CSMD3: variants seen among roughly 807,000 people sequenced by gnomAD.
CSMD3 encodes CUB and sushi domain-containing protein 3.
Under a neutral mutation model 435.2 loss-of-function variants are expected in CSMD3, and 177 were observed. The observed-to-expected ratio is 0.41, with a 90% confidence interval of 0.36 to 0.46. The LOEUF (loss-of-function observed/expected upper bound fraction) is 0.46, where lower values mean the gene tolerates loss of function less well. Ranked by LOEUF, CSMD3 falls within the 20% of genes least tolerant of loss-of-function variation. The pLI, the probability that CSMD3 is intolerant of heterozygous loss-of-function variation, is 0.34. For missense variants in CSMD3, 4,265 were observed against 4,504.6 expected, an observed-to-expected ratio of 0.95 and a Z score of 1.52; for synonymous variants, 1,656 against 1,520.5, an observed-to-expected ratio of 1.09 and a Z score of -2.07.
At chr8:112,454,494 A>C (rs1816622726) in intron 32 of CSMD3, among the ~76,000 whole-genome samples, 1 of 152,222 alleles carries the variant, frequency 6.6e-6, no homozygotes, top group Non-Finnish European at 1.5e-5. Flanking sequence ...AAAAATGCTC[A>C]ACACCACTAG....
intron 3 of CSMD3, among the ~76,000 whole-genome samples, chr8:113,241,511 C>G (rs1185343361): frequency 6.6e-6 from 1 of 151,010 alleles, no homozygotes. Context: ...TTATATTGAA[C>G]ACTAGATCAT....
At chr8:112,981,937 TAAG>T (rs2085067459) in intron 6 of CSMD3, among the ~76,000 whole-genome samples, 1 of 151,786 alleles carries the variant, frequency 6.6e-6, no homozygotes, top group African/African-American at 2.4e-5. Context: ...AGTTTTACCC[TAAG>T]AAGGAGAATG....
rs114320614 is a variant in CSMD3, at chr8:112,796,835, T to C, written c.1972+3327A>G. ...TCAGAATGGCCACGACTTTGTTACA[T>C]CTACAAGGATGTTACTGATTTTTAA... On this transcript the variant is annotated intron_variant, in intron 13 of 70. Transcript: ENST00000297405. Among the ~76,000 whole-genome samples, 330 of 152,096 alleles carry C rather than the reference T, an allele frequency of 2.2e-3. 1 individual carries two copies. The highest frequency in any genetic ancestry group is 7.6e-3 in the African/African-American group (317 of 41,556).
chr8:113,142,500 T>C (rs1016570166), intron 4 of CSMD3, among the ~76,000 whole-genome samples: 1 of 151,034 alleles, frequency 6.6e-6, no homozygotes, highest in African/African-American at 2.4e-5. Flanking sequence ...AACAAAGCTA[T>C]AAAAGCAGTT....
At chr8:112,343,001 T>TTATATATATATATATATTTA (rs34740069) in intron 41 of CSMD3, among the ~76,000 whole-genome samples, 12 of 109,676 alleles carry the variant, frequency 1.1e-4, no homozygotes, top group Middle Eastern at 6.4e-3. Flanking sequence ...ATATATATAT[T>TTATATATATATATATATTTA]TATATATATA....
intron 7 of CSMD3, among the ~76,000 whole-genome samples, chr8:112,960,117 C>CT (rs981218929): frequency 5.3e-5 from 8 of 151,076 alleles, no homozygotes; most frequent in Admixed American, 2.6e-4. Flanking sequence ...ATAAAGATGA[C>CT]TTTTTTTTGT....
At chr8:112,989,892 G>A (rs1292657082) in intron 6 of CSMD3, among the ~76,000 whole-genome samples, 1 of 151,936 alleles carries the variant, frequency 6.6e-6, no homozygotes, top group Non-Finnish European at 1.5e-5. Context: ...ATATGTCAAG[G>A]GCAATGCCAG....
At chr8:113,203,831 T>C (rs1354219069) in intron 3 of CSMD3, among the ~76,000 whole-genome samples, 1 of 152,144 alleles carries the variant, frequency 6.6e-6, no homozygotes, top group Admixed American at 6.6e-5. Context: ...TTTTCTTATA[T>C]AGGTGAGAGT....
chr8:113,067,063 G>A (rs1004183552), intron 5 of CSMD3, among the ~76,000 whole-genome samples: 1 of 152,072 alleles, frequency 6.6e-6, no homozygotes, highest in Non-Finnish European at 1.5e-5. Flanking sequence ...GAAATGACAA[G>A]TGAAGAAAAA....
intron 2 of CSMD3, among the ~76,000 whole-genome samples, chr8:113,293,175 T>C (rs1458267683): frequency 6.6e-6 from 1 of 151,202 alleles, no homozygotes; most frequent in Non-Finnish European, 1.5e-5. Context: ...AGGTGAAACA[T>C]TTTTATCTTC....
intron 9 of CSMD3, among the ~76,000 whole-genome samples, chr8:112,929,355 T>C (rs1056716912): frequency 1.4e-5 from 2 of 145,654 alleles, no homozygotes. Context: ...TGTGCACATG[T>C]ACCCTAAAAC....
chr8:112,637,321 T>C (rs937275013), intron 21 of CSMD3, among the ~76,000 whole-genome samples: 3 of 152,186 alleles, frequency 2.0e-5, no homozygotes, highest in African/African-American at 7.2e-5. Flanking sequence ...ATTTCATATA[T>C]TTTCGACTTA....
intron 21 of CSMD3, 52 bp from the exon 22 acceptor site, chr8:112,637,057 ATG>A (rs1192892142): frequency 1.4e-6 from 2 of 1,379,734 alleles, no homozygotes; most frequent in African/African-American, 2.8e-5. Flanking sequence ...GACAAAGAAA[ATG>A]ATAGTGGTTA....
rs756861455 is a variant in CSMD3, at chr8:112,666,419, A to G, written c.2678-4T>C. The G allele has an allele frequency of 6.2e-7, 1 of 1,611,358 alleles. No homozygotes were observed. Among genetic ancestry groups the G allele is most frequent in the South Asian group, 1.1e-5 (1 of 90,826 alleles). On this transcript the variant is annotated splice_region_variant and splice_polypyrimidine_tract_variant and intron_variant, in intron 16 of 70. Coordinates refer to ENST00000297405, the MANE Select transcript of CSMD3 (RefSeq NM_198123.2). ...GAAAAATGGCCACCACATGGGGCTG[A>G]AAAATTAAATCAGACAAGTAAGAAT...
intron 30 of CSMD3, among the ~76,000 whole-genome samples, chr8:112,503,190 T>C (rs1822151682): frequency 6.6e-6 from 1 of 152,176 alleles, no homozygotes; most frequent in Non-Finnish European, 1.5e-5. Flanking sequence ...CAAGTGATCC[T>C]CCTGCCTCAG....
chr8:113,141,186 T>G (rs1235894471), intron 4 of CSMD3, among the ~76,000 whole-genome samples: 1 of 150,630 alleles, frequency 6.6e-6, no homozygotes, highest in Admixed American at 6.7e-5. Flanking sequence ...TTAAAAAAAG[T>G]CCAGAAAAAG....
At chr8:112,351,737 T>C (rs901939336) in intron 39 of CSMD3, among the ~76,000 whole-genome samples, 2 of 151,996 alleles carry the variant, frequency 1.3e-5, no homozygotes, top group Non-Finnish European at 2.9e-5. Flanking sequence ...AATTTTGTGA[T>C]ACAACTTTAA....
At chr8:112,423,734 A>G (rs778466232) in intron 32 of CSMD3, among the ~76,000 whole-genome samples, 14 of 152,188 alleles carry the variant, frequency 9.2e-5, no homozygotes, top group Non-Finnish European at 1.6e-4. Context: ...ATGCTGAAAG[A>G]AAGTTGAGAC....
intron 30 of CSMD3, among the ~76,000 whole-genome samples, chr8:112,499,626 TAA>T (rs1821735753): frequency 6.6e-6 from 1 of 152,112 alleles, no homozygotes; most frequent in Admixed American, 6.5e-5. Flanking sequence ...TATAATATAA[TAA>T]GTTATAGATT....
Sources: allele counts gnomAD v4.1 joint callset (sites outside exome capture counted in the v4.1 genomes callset), GRCh38; gene constraint gnomAD v4.1.1; transcripts MANE v1.5; gene names NCBI Gene and HGNC (gene_info 2026-07-23, HGNC 2026-07-21).